The following CNTN1 variants were observed in gnomAD, a reference collection of about 807,000 sequenced individuals.
CNTN1 encodes contactin-1.
Under a neutral mutation model 126.4 loss-of-function variants are expected in CNTN1, and 38 were observed. The ratio of observed to expected loss-of-function variants is 0.30; its 90% CI spans 0.23 to 0.39. The LOEUF is 0.39. Among genes scored for constraint, CNTN1 ranks in the 10% least tolerant of loss-of-function variants. The pLI is 1.00. For synonymous variants in CNTN1, 413 were observed against 422.6 expected, an observed-to-expected ratio of 0.98 and a Z score of 0.28; for missense variants, 1,009 against 1,248.4, an observed-to-expected ratio of 0.81 and a Z score of 2.89.
chr12:40,830,242 C>T (rs983312843), intron 1 of CNTN1, among the ~76,000 whole-genome samples: 3 of 152,004 alleles, frequency 2.0e-5, no homozygotes, highest in Non-Finnish European at 2.9e-5. Flanking sequence ...CTGCTTCCCA[C>T]GGTGGTTATA....
At chr12:40,772,541 T>C (rs1939383582) in intron 1 of CNTN1, among the ~76,000 whole-genome samples, 1 of 152,014 alleles carries the variant, frequency 6.6e-6, no homozygotes, top group Non-Finnish European at 1.5e-5. Flanking sequence ...TACCTATACC[T>C]GTACAATTTT....
chr12:40,982,629 T>C (rs926857505), intron 16 of CNTN1, among the ~76,000 whole-genome samples: 4 of 152,142 alleles, frequency 2.6e-5, no homozygotes, highest in African/African-American at 7.2e-5. Flanking sequence ...AACATGTTTA[T>C]TGAGTCCCCA....
chr12:40,980,909 G>A lies in CNTN1; in HGVS notation c.1805G>A (p.Gly602Asp). The stretch of plus-strand genomic sequence containing the variant: ...TTCATTACCCACATTTTCATTTCAG[G>A]CCCTCCAGGCCCTCCAGGTGGTCTG... ...SSASADLVVR[G>D]PPGPPGGLRI... is the part of the protein sequence containing the mutation. Residue 602 changes from glycine to aspartate, a missense_variant and splice_region_variant, in exon 16 of 24, where the codon GGC becomes GAC. By Grantham distance (94) the Gly-to-Asp change is moderately conservative. Transcript: ENST00000551295. 1.2e-6 allele frequency: 2 copies of A among 1,613,664 alleles called. No homozygotes were observed. Among genetic ancestry groups the A allele is most frequent in the Non-Finnish European group, 1.7e-6 (2 of 1,179,726 alleles).
intron 1 of CNTN1, among the ~76,000 whole-genome samples, chr12:40,825,316 T>G (rs1339583733): frequency 2.0e-5 from 3 of 152,166 alleles, no homozygotes; most frequent in Non-Finnish European, 4.4e-5. Context: ...CATGGCATTT[T>G]TTTTTTATGT....
chr12:40,844,155 C>T (rs1408263483), intron 1 of CNTN1, among the ~76,000 whole-genome samples: 1 of 144,824 alleles, frequency 6.9e-6, no homozygotes, highest in East Asian at 2.2e-4. Flanking sequence ...GCAACCTCCG[C>T]CTCCAGGGTT....
chr12:40,866,301 T>C (rs977114199), intron 1 of CNTN1, among the ~76,000 whole-genome samples: 2 of 152,154 alleles, frequency 1.3e-5, no homozygotes, highest in Non-Finnish European at 2.9e-5. Flanking sequence ...GTTTATTTTA[T>C]TTCTATTTCT....
chr12:40,860,960 C>A (rs560331486), intron 1 of CNTN1, among the ~76,000 whole-genome samples: 7 of 152,192 alleles, frequency 4.6e-5, no homozygotes, highest in Admixed American at 2.6e-4. Context: ...ATACTTCCAT[C>A]ATCTTTAACA....
chr12:40,764,719 A>G (rs766732090), intron 1 of CNTN1, among the ~76,000 whole-genome samples: 36 of 152,220 alleles, frequency 2.4e-4, no homozygotes, highest in Non-Finnish European at 4.9e-4. Context: ...CGAGGGAAAA[A>G]TGTAAGACTG....
Position 40,756,580 on chromosome 12 carries a change from G to A in CNTN1, c.-77+63988G>A, listed in dbSNP as rs372184554. On this transcript the variant is annotated intron_variant, in intron 1 of 23. Transcript: ENST00000551295. ...ACAAGAAGCAGTACTGGATGGTACC[G>A]TCAAAGGCCATGAGTTTCAAAGCTG... Among the ~76,000 whole-genome samples, 8 of 152,194 alleles carry A rather than the reference G, an allele frequency of 5.3e-5. No homozygotes were observed. The South Asian group carries it at 1.2e-3, about 24-fold the overall frequency.
chr12:41,043,125 G>A (rs1406118185), intron 23 of CNTN1, among the ~76,000 whole-genome samples: 13 of 152,238 alleles, frequency 8.5e-5, no homozygotes, highest in African/African-American at 2.9e-4. Context: ...AAAAGCAATG[G>A]CAACAAAAGC....
At position 40,721,672 on chromosome 12, in the gene CNTN1, G is replaced by C. The variant is rs529150238; in HGVS notation, c.-77+29080G>C. Reference sequence around the variant, plus strand: ...CCCATTAACTCGTCATTTAGCATTAGGTATATCTCCTAATGCTATCCCTCC... The same window carrying C: ...CCCATTAACTCGTCATTTAGCATTACGTATATCTCCTAATGCTATCCCTCC... On this transcript the variant is annotated intron_variant, in intron 1 of 23. Transcript: ENST00000551295. Among the ~76,000 whole-genome samples, 355 of 143,464 alleles carry C rather than the reference G, an allele frequency of 2.5e-3. 6 individuals carry two copies. In the East Asian group the frequency reaches 0.03, roughly 12 times the overall value. 94.1% of individuals were successfully genotyped at this position (143,464 alleles called of 152,430 possible). A position where few individuals can be genotyped will look rare whatever the true frequency, so the allele number is the denominator to read the frequency against.
At chr12:40,814,854 G>A (rs570330641) in intron 1 of CNTN1, among the ~76,000 whole-genome samples, 10 of 152,212 alleles carry the variant, frequency 6.6e-5, no homozygotes, top group African/African-American at 2.4e-4. Flanking sequence ...CCATTCGTTT[G>A]TGTCCTCTTT....
chr12:40,810,743 A>G (rs555808331), intron 1 of CNTN1, among the ~76,000 whole-genome samples: 24 of 152,320 alleles, frequency 1.6e-4, no homozygotes, highest in Non-Finnish European at 2.9e-4. Context: ...TTGAGCTGGA[A>G]TAGTGGCTCA....
intron 1 of CNTN1, among the ~76,000 whole-genome samples, chr12:40,851,750 C>T (rs1942722686): frequency 6.6e-6 from 1 of 151,784 alleles, no homozygotes; most frequent in African/African-American, 2.4e-5. Flanking sequence ...ATCTGCCTCC[C>T]CAAAGATAAG....
intron 1 of CNTN1, among the ~76,000 whole-genome samples, chr12:40,785,915 G>C (rs989900754): frequency 2.0e-5 from 3 of 152,038 alleles, no homozygotes; most frequent in Non-Finnish European, 4.4e-5. Flanking sequence ...GCCCCCATGA[G>C]CCAATCACCT....
chr12:40,799,873 A>C (rs534198178), intron 1 of CNTN1, among the ~76,000 whole-genome samples: 1 of 152,044 alleles, frequency 6.6e-6, no homozygotes, highest in South Asian at 2.1e-4. Context: ...TTTTCATTTG[A>C]GAAATAAATA....
intron 16 of CNTN1, among the ~76,000 whole-genome samples, chr12:40,986,871 G>A (rs111930282): frequency 1.8e-3 from 267 of 152,112 alleles, no homozygotes; most frequent in African/African-American, 6.1e-3. Context: ...ATCTCCCCAC[G>A]TTTTTAAACA....
At chr12:40,806,110 G>A (rs896372178) in intron 1 of CNTN1, among the ~76,000 whole-genome samples, 4 of 151,992 alleles carry the variant, frequency 2.6e-5, no homozygotes, top group Non-Finnish European at 5.9e-5. Flanking sequence ...AGGTTATATC[G>A]GAGTGCAAGG....
rs1377561300 is a variant in CNTN1 at position 40,882,986 on chromosome 12, G to A, written c.-76-25371G>A. Among the ~76,000 whole-genome samples, 10 of 151,518 alleles carry A rather than the reference G, an allele frequency of 6.6e-5. 1 individual carries two copies. The highest frequency in any genetic ancestry group is 3.4e-3 in the Middle Eastern group (1 of 294). ...TAGAATATTTAAGATGCATCTGATC[G>A]TCTTTCAGTAATTATTCCAGAATAT... On this transcript the variant is annotated intron_variant, in intron 1 of 23. Transcript: ENST00000551295.
Sources: gnomAD v4.1 joint callset for allele counts (sites outside exome capture counted in the v4.1 genomes callset) on GRCh38, gnomAD v4.1.1 for gene constraint, MANE v1.5 for transcripts, NCBI Gene and HGNC (gene_info 2026-07-23, HGNC 2026-07-21) for gene names.